PLPP1: variants seen among roughly 807,000 people sequenced by gnomAD.
The protein encoded by PLPP1 is lipid phosphate phosphohydrolase 1a.
Under a neutral mutation model 31.2 loss-of-function variants are expected in PLPP1, and 24 were observed. The observed-to-expected ratio is 0.77, with a 90% CI of 0.56 to 1.08. The LOEUF is 1.08. Among genes scored for constraint, PLPP1 ranks in the 50% least tolerant of loss-of-function variants. PLPP1 has a pLI of 0.00. For missense variants in PLPP1, 319 were observed against 342.7 expected (o/e 0.93, Z 0.55); for synonymous variants, 146 against 126.3 (o/e 1.16, Z -1.05).
intron 1 of PLPP1, among the ~76,000 whole-genome samples, chr5:55,521,092 C>T (rs1439429105): frequency 6.6e-6 from 1 of 152,046 alleles, no homozygotes; most frequent in East Asian, 1.9e-4. Flanking sequence ...GTGGCTCATG[C>T]CTGTAATCTC....
intron 1 of PLPP1, among the ~76,000 whole-genome samples, chr5:55,488,306 A>C (rs2111844324): frequency 6.6e-6 from 1 of 152,238 alleles, no homozygotes; most frequent in South Asian, 2.1e-4. Context: ...AAGTAAAAAA[A>C]CAAAGCACAA....
At chr5:55,530,386 C>G (rs1427152614) in intron 1 of PLPP1, 5 of 1,308,700 alleles carry the variant, frequency 3.8e-6, no homozygotes, top group African/African-American at 1.5e-5. Flanking sequence ...AGTAAACGCT[C>G]TCTGGTAAAA....
intron 1 of PLPP1, among the ~76,000 whole-genome samples, chr5:55,524,594 G>C (rs1753740677): frequency 6.6e-6 from 1 of 152,124 alleles, no homozygotes; most frequent in South Asian, 2.1e-4. Context: ...TGGATCACCT[G>C]AGGTCAGGAG....
chr5:55,425,113 T>C lies in PLPP1; in HGVS notation c.*93A>G, dbSNP rs1751137426. The C allele has an allele frequency of 1.4e-6, 2 of 1,474,448 alleles. No individual in the cohort carries two copies. The highest frequency in any genetic ancestry group is 2.2e-5 in the Admixed American group (1 of 45,340). The allele number at this position is 1,474,448 out of a possible 1,614,324, so 91.3% of individuals were successfully genotyped here. A position where few individuals can be genotyped will look rare whatever the true frequency, so the allele number is the denominator to read the frequency against. On this transcript the variant is annotated 3_prime_UTR_variant, in exon 6 of 6. Transcript: ENST00000307259. ...GCAGCAGCAGAAGTCTTTAAAGGCTTGTACACCAGGAAGAAAGATGCATCC... is the reference window on the plus strand; with the variant it reads ...GCAGCAGCAGAAGTCTTTAAAGGCTCGTACACCAGGAAGAAAGATGCATCC...
intron 1 of PLPP1, among the ~76,000 whole-genome samples, chr5:55,496,120 A>C (rs1299059078): frequency 6.6e-6 from 1 of 152,064 alleles, no homozygotes; most frequent in Non-Finnish European, 1.5e-5. Context: ...GGCCTCCCAA[A>C]GTGCTGGGAT....
chr5:55,426,178 C>T (rs529672191), intron 4 of PLPP1, 139 bp from the exon 5 acceptor site: 24 of 700,442 alleles, frequency 3.4e-5, no homozygotes, highest in Middle Eastern at 4.2e-4. Flanking sequence ...CATTCACGTA[C>T]GCATTATTAC....
At chr5:55,432,801 A>T (rs1438911065) in intron 4 of PLPP1, among the ~76,000 whole-genome samples, 14 of 3,372 alleles carry the variant, frequency 4.2e-3, no homozygotes, top group African/African-American at 6.6e-3. Context: ...TTCATGATTT[A>T]AAAAAAAAAA....
intron 1 of PLPP1, among the ~76,000 whole-genome samples, chr5:55,525,310 T>TA (rs912515606): frequency 5.3e-5 from 8 of 152,192 alleles, no homozygotes; most frequent in Admixed American, 1.3e-4. Context: ...TAACCATAGG[T>TA]ACTTTCATTA....
At chr5:55,473,684 G>C (rs540953541) in intron 2 of PLPP1, among the ~76,000 whole-genome samples, 2 of 152,006 alleles carry the variant, frequency 1.3e-5, no homozygotes, top group South Asian at 4.2e-4. Context: ...TTGAAAGAGG[G>C]TCTCACTCTG....
chr5:55,426,136 T>G (rs1388309384), intron 4 of PLPP1, 97 bp from the exon 5 acceptor site: 1 of 1,088,278 alleles, frequency 9.2e-7, no homozygotes, highest in African/African-American at 1.6e-5. Context: ...TATCAAAGTA[T>G]TATTATATAG....
rs1424834947 is a variant in PLPP1 at position 55,512,532 on chromosome 5, GAAA to G, written c.58+22037_58+22039del. 6.1e-3 allele frequency among the ~76,000 whole-genome samples: 44 copies of G among 7,188 alleles called. 3 individuals are homozygous for G. The highest frequency in any genetic ancestry group is 0.015 in the African/African-American group (43 of 2,926). 4.7% of individuals were successfully genotyped at this position (7,188 alleles called of 152,430 possible). A position where few individuals can be genotyped will look rare whatever the true frequency, so the allele number is the denominator to read the frequency against. ...AAAAGAAAAGAAAGAAAGAAAGAAA[GAAA>G]GAAAGAAAGAAAGAAAGAAAGAAAG... On this transcript the variant is annotated intron_variant, in intron 1 of 5. Transcript: ENST00000307259.
intron 1 of PLPP1, among the ~76,000 whole-genome samples, chr5:55,504,069 G>C (rs1753208674): frequency 6.6e-6 from 1 of 151,838 alleles, no homozygotes; most frequent in Non-Finnish European, 1.5e-5. Flanking sequence ...AGGCAATTTT[G>C]TTTAAAAACA....
At chr5:55,473,110 C>T (rs1296275243) in intron 2 of PLPP1, among the ~76,000 whole-genome samples, 1 of 152,178 alleles carries the variant, frequency 6.6e-6, no homozygotes, top group Admixed American at 6.5e-5. Context: ...TATTTAATTG[C>T]TTAGCAATCA....
rs1286249139 is a variant in PLPP1, at chr5:55,425,112, T to A, written c.*94A>T. On this transcript the variant is annotated 3_prime_UTR_variant, in exon 6 of 6. Coordinates refer to ENST00000307259, the MANE Select transcript of PLPP1 (RefSeq NM_003711.4). ...AGCAGCAGCAGAAGTCTTTAAAGGC[T>A]TGTACACCAGGAAGAAAGATGCATC... 3 of 1,471,906 alleles carry A rather than the reference T, an allele frequency of 2.0e-6. No homozygotes were observed. The African/African-American group carries it at 4.2e-5, about 21-fold the overall frequency. The allele number at this position is 1,471,906 out of a possible 1,614,324, so 91.2% of individuals were successfully genotyped here.
At chr5:55,429,208 C>G (rs1246438542) in intron 4 of PLPP1, among the ~76,000 whole-genome samples, 1 of 151,946 alleles carries the variant, frequency 6.6e-6, no homozygotes, top group African/African-American at 2.4e-5. Flanking sequence ...AAGCTATGGT[C>G]GAGGACAGCA....
chr5:55,451,195 G>C (rs918124885), intron 3 of PLPP1, among the ~76,000 whole-genome samples: 3 of 152,204 alleles, frequency 2.0e-5, no homozygotes, highest in African/African-American at 7.2e-5. Flanking sequence ...CAAGGTGGGA[G>C]GCCCACTTGA....
chr5:55,489,298 C>G (rs1752838969), intron 1 of PLPP1, among the ~76,000 whole-genome samples: 1 of 152,190 alleles, frequency 6.6e-6, no homozygotes, highest in Non-Finnish European at 1.5e-5. Flanking sequence ...GAAACTTTAT[C>G]TGGCAACAGT....
At chr5:55,528,454 C>T (rs190084469) in intron 1 of PLPP1, among the ~76,000 whole-genome samples, 37 of 152,304 alleles carry the variant, frequency 2.4e-4, no homozygotes, top group African/African-American at 8.9e-4. Flanking sequence ...CAGGGATTAT[C>T]TTATTCATCT....
chr5:55,528,448 G>T (rs1467634833), intron 1 of PLPP1, among the ~76,000 whole-genome samples: 1 of 152,190 alleles, frequency 6.6e-6, no homozygotes, highest in Non-Finnish European at 1.5e-5. Context: ...TCAGGGCAGG[G>T]ATTATCTTAT....
Sources: allele counts gnomAD v4.1 joint callset (sites outside exome capture counted in the v4.1 genomes callset), GRCh38; gene constraint gnomAD v4.1.1; transcripts MANE v1.5; gene names NCBI Gene and HGNC (gene_info 2026-07-23, HGNC 2026-07-21).